The following PPFIA2 variants were observed in gnomAD, a reference collection of about 807,000 sequenced individuals.
The protein encoded by PPFIA2 is liprin-alpha-2.
In PPFIA2, 46 loss-of-function variants were observed where a neutral mutation model predicts 175.5. The ratio of observed to expected loss-of-function variants is 0.26; its 90% CI spans 0.21 to 0.34. The LOEUF (loss-of-function observed/expected upper bound fraction) is 0.34. Among genes scored for constraint, PPFIA2 ranks in the 10% least tolerant of loss-of-function variants. The pLI is 1.00. For missense variants in PPFIA2, 1,179 were observed against 1,506.1 expected (o/e 0.78, Z 3.60); for synonymous variants, 568 against 511.4 (o/e 1.11, Z -1.49).
chr12:81,431,934 T>A (rs2048167387), intron 7 of PPFIA2, among the ~76,000 whole-genome samples: 1 of 152,180 alleles, frequency 6.6e-6, no homozygotes, highest in Admixed American at 6.6e-5. Context: ...TTTCTCCAAG[T>A]CCATCTGGTG....
chr12:81,753,751 GA>G (rs1477722118), intron 3 of PPFIA2, among the ~76,000 whole-genome samples: 4 of 152,112 alleles, frequency 2.6e-5, no homozygotes, highest in African/African-American at 9.7e-5. Flanking sequence ...GACTGGATAA[GA>G]ACTCTTGCTT....
intron 22 of PPFIA2, among the ~76,000 whole-genome samples, chr12:81,306,329 T>G (rs891527653): frequency 1.3e-5 from 2 of 152,160 alleles, no homozygotes; most frequent in African/African-American, 4.8e-5. Context: ...CCTTTTGGGC[T>G]GCACATCCAT....
chr12:81,726,566 T>C (rs2080105681), intron 3 of PPFIA2, among the ~76,000 whole-genome samples: 1 of 151,316 alleles, frequency 6.6e-6, no homozygotes, highest in South Asian at 2.1e-4. Context: ...TGTTCATAGT[T>C]GAGTTAGACA....
chr12:81,262,278 T>C (rs1273606920), intron 31 of PPFIA2, among the ~76,000 whole-genome samples: 1 of 152,142 alleles, frequency 6.6e-6, no homozygotes, highest in Non-Finnish European at 1.5e-5. Flanking sequence ...ATAAAATCGG[T>C]AACAAGAGCA....
chr12:81,426,852 T>C (rs936369717), intron 7 of PPFIA2, among the ~76,000 whole-genome samples: 1 of 152,076 alleles, frequency 6.6e-6, no homozygotes, highest in Non-Finnish European at 1.5e-5. Context: ...ATTTAAAACA[T>C]AGTGGCCACT....
chr12:81,717,208 G>C (rs977576658), intron 3 of PPFIA2, among the ~76,000 whole-genome samples: 1 of 151,688 alleles, frequency 6.6e-6, no homozygotes, highest in African/African-American at 2.4e-5. Flanking sequence ...GAATGATTAT[G>C]GCTGAGTTCC....
At chr12:81,312,138 C>G (rs1275449592) in intron 22 of PPFIA2, 1 of 1,533,942 alleles carries the variant, frequency 6.5e-7, no homozygotes, top group South Asian at 1.2e-5. Flanking sequence ...ACATGTTCAG[C>G]AGCCATTGTG....
At chr12:81,746,491 CAGTG>C (rs1178365718) in intron 3 of PPFIA2, among the ~76,000 whole-genome samples, 1 of 142,912 alleles carries the variant, frequency 7.0e-6, no homozygotes, top group Non-Finnish European at 1.6e-5. Flanking sequence ...AAAATTGAGA[CAGTG>C]AGAGCAAGTC....
intron 17 of PPFIA2, among the ~76,000 whole-genome samples, chr12:81,351,728 T>C (rs1157271260): frequency 1.5e-5 from 2 of 134,376 alleles, no homozygotes; most frequent in South Asian, 2.4e-4. Flanking sequence ...ACTATGTCTC[T>C]ACAAAAAATT....
At chr12:81,725,489 C>T (rs948964866) in intron 3 of PPFIA2, among the ~76,000 whole-genome samples, 5 of 150,612 alleles carry the variant, frequency 3.3e-5, no homozygotes, top group East Asian at 2.0e-4. Context: ...ACTGCCTATC[C>T]GAACCTATTA....
chr12:81,608,368 G>C (rs1057224990), intron 4 of PPFIA2, among the ~76,000 whole-genome samples: 1 of 152,018 alleles, frequency 6.6e-6, no homozygotes, highest in Non-Finnish European at 1.5e-5. Flanking sequence ...CAGTAGGATT[G>C]GTACCAGTTC....
intron 4 of PPFIA2, among the ~76,000 whole-genome samples, chr12:81,496,217 A>G (rs7136656): frequency 0.52 from 78,425 of 151,962 alleles, 20,523 homozygotes; most frequent in African/African-American, 0.59. Flanking sequence ...AGGTGAATCA[A>G]CTGGATTCTT....
rs71098145 is a variant in PPFIA2 at position 81,462,585 on chromosome 12, C to CATATATATATATATATATATATACATAT, written c.304-4720_304-4719insATATGTATATATATATATATATATATAT. On this transcript the variant is annotated intron_variant, in intron 4 of 32. Coordinates refer to ENST00000549396, the MANE Select transcript of PPFIA2 (RefSeq NM_003625.5). ...ATATATATGTGTATATATATATATACATATATATATATATATATATATAAT... is the reference window on the plus strand; with the variant it reads ...ATATATATGTGTATATATATATATACATATATATATATATATATATATACATATATATATATATATATATATATATAAT... 6.0e-3 allele frequency among the ~76,000 whole-genome samples: 750 copies of CATATATATATATATATATATATACATAT among 124,532 alleles called. 5 individuals carry two copies. Among genetic ancestry groups the CATATATATATATATATATATATACATAT allele is most frequent in the Non-Finnish European group, 9.7e-3 (568 of 58,702 alleles). 81.7% of individuals were successfully genotyped at this position (124,532 alleles called of 152,430 possible). A position where few individuals can be genotyped will look rare whatever the true frequency, so the allele number is the denominator to read the frequency against.
intron 8 of PPFIA2, among the ~76,000 whole-genome samples, chr12:81,392,972 C>A (rs1595994244): frequency 6.6e-6 from 1 of 151,980 alleles, no homozygotes; most frequent in Non-Finnish European, 1.5e-5. Context: ...ATGACCTCCA[C>A]CATTGTCACC....
intron 4 of PPFIA2, among the ~76,000 whole-genome samples, chr12:81,524,841 G>A (rs2063561879): frequency 6.6e-6 from 1 of 152,168 alleles, no homozygotes; most frequent in Non-Finnish European, 1.5e-5. Context: ...ATGGCATTAA[G>A]AAATGAAGCC....
chr12:81,313,180 C>A (rs543472499), intron 22 of PPFIA2, among the ~76,000 whole-genome samples: 1 of 152,150 alleles, frequency 6.6e-6, no homozygotes, highest in East Asian at 1.9e-4. Flanking sequence ...AATAATTCAA[C>A]AAAAATTCAT....
intron 4 of PPFIA2, among the ~76,000 whole-genome samples, chr12:81,605,111 C>A (rs538412293): frequency 3.0e-4 from 45 of 151,684 alleles, no homozygotes; most frequent in Admixed American, 3.3e-4. Flanking sequence ...TTTTTATAAT[C>A]CTGGAAAATA....
chr12:81,325,920 C>A, intron 21 of PPFIA2, 50 bp from the exon 22 acceptor site: 1 of 1,352,122 alleles, frequency 7.4e-7, no homozygotes, highest in South Asian at 1.2e-5. Context: ...TAGGTTGTGT[C>A]AATTCTGAAG....
chr12:81,677,949 T>C (rs2072876319), intron 3 of PPFIA2, among the ~76,000 whole-genome samples: 1 of 151,862 alleles, frequency 6.6e-6, no homozygotes, highest in Non-Finnish European at 1.5e-5. Flanking sequence ...AATTCTAGGT[T>C]TTAAAGTAAA....
Sources: gnomAD v4.1 joint callset for allele counts (sites outside exome capture counted in the v4.1 genomes callset) on GRCh38, gnomAD v4.1.1 for gene constraint, MANE v1.5 for transcripts, NCBI Gene and HGNC (gene_info 2026-07-23, HGNC 2026-07-21) for gene names.